Variants in ICA1L observed in about 807,000 individuals in gnomAD.
ICA1L encodes the protein islet cell autoantigen 1 like, also known as islet cell autoantigen 1-like protein.
Under a neutral mutation model 61.3 loss-of-function variants are expected in ICA1L, and 50 were observed. The observed-to-expected ratio is 0.82, with a 90% CI of 0.65 to 1.03. The LOEUF is 1.03. Ranked by LOEUF, ICA1L falls within the 50% of genes least tolerant of loss-of-function variation. The pLI, the probability that ICA1L is intolerant of heterozygous loss-of-function variation, is 0.00. For synonymous variants in ICA1L, 161 were observed against 191.3 expected, an observed-to-expected ratio of 0.84 and a Z score of 1.31; for missense variants, 508 against 556.7, an observed-to-expected ratio of 0.91 and a Z score of 0.88.
rs769159055 is a variant in ICA1L at position 202,820,099 on chromosome 2, C to A, written c.360-200G>T. On this transcript the variant is annotated intron_variant, in intron 4 of 12. Coordinates refer to ENST00000358299, the MANE Select transcript of ICA1L (RefSeq NM_001288622.3). ...TATCAATAAAGATGTGTTGGCCGGG[C>A]GCGGTGGCTGACGCTTGTAATCCTA... 7.3e-6 allele frequency: 4 copies of A among 550,320 alleles called. No individual in the cohort carries two copies. The Admixed American group carries it at 1.3e-4, about 18-fold the overall frequency. The allele number at this position is 550,320 out of a possible 1,614,324, so 34.1% of individuals were successfully genotyped here.
chr2:202,788,819 T>G lies in ICA1L; in HGVS notation c.1243+11A>C. The G allele has an allele frequency of 1.9e-6, 3 of 1,613,758 alleles. No individual in the cohort carries two copies. Among genetic ancestry groups the G allele is most frequent in the Non-Finnish European group, 2.5e-6 (3 of 1,179,862 alleles). ...AAAGCACATATGTCCAAATGTTTCATAGACACTTACTGTTGAACGCTCCAG... is the reference window on the plus strand; with the variant it reads ...AAAGCACATATGTCCAAATGTTTCAGAGACACTTACTGTTGAACGCTCCAG... On this transcript the variant is annotated intron_variant, in intron 11 of 12. Coordinates refer to ENST00000358299, the MANE Select transcript of ICA1L (RefSeq NM_001288622.3).
At chr2:202,860,733 G>C (rs1238545252) in intron 1 of ICA1L, among the ~76,000 whole-genome samples, 1 of 152,058 alleles carries the variant, frequency 6.6e-6, no homozygotes, top group Non-Finnish European at 1.5e-5. Context: ...GCTTAGGCAA[G>C]GGAGAAAGAC....
chr2:202,848,508 A>G (rs557059713), intron 1 of ICA1L, among the ~76,000 whole-genome samples: 110 of 152,266 alleles, frequency 7.2e-4, no homozygotes, highest in African/African-American at 2.6e-3. Context: ...CTGCTGGCAA[A>G]TTAGTCTTTA....
In ICA1L at chr2:202,774,252, CGGCCAAAG is replaced by C. The variant is rs1422761404; in HGVS notation, c.*5273_*5280del. The C allele has an allele frequency of 1.9e-6, 3 of 1,545,350 alleles. No individual in the cohort carries two copies. The highest frequency in any genetic ancestry group is 1.7e-6 in the Non-Finnish European group (2 of 1,145,372). On this transcript the variant is annotated 3_prime_UTR_variant, in exon 13 of 13. Coordinates refer to ENST00000358299, the MANE Select transcript of ICA1L (RefSeq NM_001288622.3). ...GGCTCCTGAGTCTTCTCGCTCCTGT[CGGCCAAAG>C]GCCGTGACCCCGACGCGTGCAGGCA...
At chr2:202,856,337 A>G (rs1396469863) in intron 1 of ICA1L, among the ~76,000 whole-genome samples, 1 of 152,232 alleles carries the variant, frequency 6.6e-6, no homozygotes, top group African/African-American at 2.4e-5. Flanking sequence ...ATGCAAATCA[A>G]TAAACATAAT....
intron 10 of ICA1L, among the ~76,000 whole-genome samples, chr2:202,792,269 T>C (rs1692776720): frequency 6.6e-6 from 1 of 152,164 alleles, no homozygotes; most frequent in Non-Finnish European, 1.5e-5. Flanking sequence ...TGCAATTATT[T>C]TGAAAAAAGT....
chr2:202,812,203 C>T (rs1693397171), intron 8 of ICA1L, among the ~76,000 whole-genome samples: 1 of 152,212 alleles, frequency 6.6e-6, no homozygotes, highest in Non-Finnish European at 1.5e-5. Flanking sequence ...GTTTGCAAGA[C>T]ACGTTAGCCT....
intron 1 of ICA1L, among the ~76,000 whole-genome samples, chr2:202,854,396 T>C (rs1272180534): frequency 6.6e-6 from 1 of 152,136 alleles, no homozygotes; most frequent in African/African-American, 2.4e-5. Context: ...ATAAAACAAG[T>C]TCTTAGAGAC....
chr2:202,858,207 C>T (rs560148127), intron 1 of ICA1L, among the ~76,000 whole-genome samples: 1 of 152,218 alleles, frequency 6.6e-6, no homozygotes, highest in East Asian at 1.9e-4. Flanking sequence ...ATAGCAAAGA[C>T]TTAGAACCAA....
At chr2:202,856,666 A>T (rs1479196007) in intron 1 of ICA1L, among the ~76,000 whole-genome samples, 1 of 152,200 alleles carries the variant, frequency 6.6e-6, no homozygotes, top group Non-Finnish European at 1.5e-5. Context: ...AAGGGTATTC[A>T]AATAGGAAGA....
chr2:202,816,077 C>A, intron 6 of ICA1L, 68 bp from the exon 7 acceptor site: 1 of 979,126 alleles, frequency 1.0e-6, no homozygotes, highest in Non-Finnish European at 1.5e-6. Context: ...TGCTATATTT[C>A]CTTACTAGTT....
chr2:202,823,637 G>A (rs1004892840), intron 3 of ICA1L, among the ~76,000 whole-genome samples: 2 of 152,142 alleles, frequency 1.3e-5, no homozygotes, highest in African/African-American at 4.8e-5. Context: ...TGCCTATGCA[G>A]GCTGTTCTCA....
At chr2:202,830,677 G>A (rs1225548309) in intron 1 of ICA1L, among the ~76,000 whole-genome samples, 4 of 152,120 alleles carry the variant, frequency 2.6e-5, no homozygotes, top group Admixed American at 1.3e-4. Flanking sequence ...AGAAATAGAG[G>A]TTCACTTTCT....
At chr2:202,787,565 G>C (rs1432611482) in intron 11 of ICA1L, among the ~76,000 whole-genome samples, 1 of 152,180 alleles carries the variant, frequency 6.6e-6, no homozygotes, top group Admixed American at 6.5e-5. Context: ...TTCTTACTGA[G>C]TGATTATTTA....
rs942475200 is a variant in ICA1L at position 202,829,568 on chromosome 2, A to G, written c.-7-552T>C. 4.6e-5 allele frequency among the ~76,000 whole-genome samples: 7 copies of G among 152,142 alleles called. 1 individual carries two copies. The highest frequency in any genetic ancestry group is 3.9e-4 in the Admixed American group (6 of 15,270). On this transcript the variant is annotated intron_variant, in intron 1 of 12. Coordinates refer to ENST00000358299, the MANE Select transcript of ICA1L (RefSeq NM_001288622.3). ...GCAATCTCCTGCCTCAGCCTCATGC[A>G]GCACTGGGATTACAGGTGCGAACTA...
intron 2 of ICA1L, among the ~76,000 whole-genome samples, chr2:202,826,844 A>G (rs1381531089): frequency 2.0e-5 from 3 of 152,076 alleles, no homozygotes; most frequent in Non-Finnish European, 4.4e-5. Flanking sequence ...CTGCTATATA[A>G]TATTAAGCCC....
At chr2:202,797,132 T>TTGTGCGTGTG (rs1553532258) in intron 9 of ICA1L, among the ~76,000 whole-genome samples, 168 bp from the exon 10 acceptor site, 1 of 147,726 alleles carries the variant, frequency 6.8e-6, no homozygotes, top group Non-Finnish European at 1.5e-5. Flanking sequence ...AAAATCACAT[T>TTGTGCGTGTG]TGTGTGTGTG....
In ICA1L at chr2:202,774,139, T is replaced by C; in HGVS notation, c.*5394A>G. On this transcript the variant is annotated 3_prime_UTR_variant, in exon 13 of 13. Coordinates refer to ENST00000358299, the MANE Select transcript of ICA1L (RefSeq NM_001288622.3). ...CTATTCTCAACTCTTCATTAATCAA[T>C]TCATTTGTTGATGCTTCATATCTGA... is the stretch of plus-strand genomic sequence containing the variant. The C allele has an allele frequency of 7.0e-7, 1 of 1,434,510 alleles. No homozygotes were observed. Among genetic ancestry groups the C allele is most frequent in the Non-Finnish European group, 9.6e-7 (1 of 1,041,618 alleles). The allele number at this position is 1,434,510 out of a possible 1,614,324, so 88.9% of individuals were successfully genotyped here. A position where few individuals can be genotyped will look rare whatever the true frequency, so the allele number is the denominator to read the frequency against.
intron 12 of ICA1L, among the ~76,000 whole-genome samples, chr2:202,784,200 C>G (rs1692504564): frequency 6.6e-6 from 1 of 152,128 alleles, no homozygotes; most frequent in African/African-American, 2.4e-5. Flanking sequence ...ACCTGTAACC[C>G]CAGCACTTTG....
Sources: allele counts gnomAD v4.1 joint callset (sites outside exome capture counted in the v4.1 genomes callset), GRCh38; gene constraint gnomAD v4.1.1; transcripts MANE v1.5; gene names NCBI Gene and HGNC (gene_info 2026-07-23, HGNC 2026-07-21).